Variants in CTNND2 observed in about 807,000 individuals in gnomAD.
CTNND2 encodes catenin delta 2, also known as catenin delta-2.
A neutral mutation model predicts 144.4 loss-of-function variants in CTNND2; 22 were observed. The ratio of observed to expected loss-of-function variants is 0.15; its 90% CI spans 0.11 to 0.22. CTNND2 has a LOEUF of 0.22. Ranked by LOEUF, CTNND2 falls within the 10% of genes least tolerant of loss-of-function variation. The pLI, the probability that CTNND2 is intolerant of heterozygous loss-of-function variation, is 1.00. For synonymous variants in CTNND2, 751 were observed against 695.6 expected (o/e 1.08, Z -1.25); for missense variants, 1,353 against 1,618.8 (o/e 0.84, Z 2.82).
At chr5:11,724,912 A>ATT (rs34852559) in intron 2 of CTNND2, among the ~76,000 whole-genome samples, 24,864 of 148,998 alleles carry the variant, frequency 0.17, 2,174 homozygotes, top group East Asian at 0.29. Context: ...GTCAAAAGTG[A>ATT]TTTTTTTTTT....
At chr5:11,306,561 T>C (rs556471349) in intron 9 of CTNND2, among the ~76,000 whole-genome samples, 6 of 152,338 alleles carry the variant, frequency 3.9e-5, no homozygotes, top group Admixed American at 2.6e-4. Flanking sequence ...GTCAAGTTAT[T>C]TGTCATTCTG....
At chr5:11,793,138 G>C (rs1183333458) in intron 1 of CTNND2, among the ~76,000 whole-genome samples, 1 of 152,176 alleles carries the variant, frequency 6.6e-6, no homozygotes, top group Non-Finnish European at 1.5e-5. Context: ...ACAGTTTGCT[G>C]TGCTATTGGT....
At chr5:10,992,078 C>A (rs968640471) in intron 19 of CTNND2, among the ~76,000 whole-genome samples, 1 of 152,000 alleles carries the variant, frequency 6.6e-6, no homozygotes. Flanking sequence ...CCAACAAGCC[C>A]GGCTAATTTT....
intron 10 of CTNND2, among the ~76,000 whole-genome samples, chr5:11,234,195 G>A (rs1488404246): frequency 6.6e-6 from 1 of 151,986 alleles, no homozygotes; most frequent in African/African-American, 2.4e-5. Context: ...ACACACATAT[G>A]CACACAGAGA....
chr5:11,854,537 T>C (rs527560244), intron 1 of CTNND2, among the ~76,000 whole-genome samples: 109 of 152,356 alleles, frequency 7.2e-4, no homozygotes, highest in Non-Finnish European at 1.3e-3. Context: ...CTGTGATATA[T>C]TCCAAGAATC....
intron 1 of CTNND2, among the ~76,000 whole-genome samples, chr5:11,896,586 T>C (rs1214472640): frequency 2.0e-5 from 3 of 152,140 alleles, no homozygotes; most frequent in Non-Finnish European, 4.4e-5. Flanking sequence ...AATAAATATA[T>C]ACTATTCTTT....
chr5:11,647,190 A>G (rs1782399567), intron 2 of CTNND2, among the ~76,000 whole-genome samples: 1 of 152,134 alleles, frequency 6.6e-6, no homozygotes, highest in Admixed American at 6.5e-5. Flanking sequence ...TTAAAAACTC[A>G]GCCAGCTTTC....
chr5:11,808,952 G>A (rs1429859305), intron 1 of CTNND2, among the ~76,000 whole-genome samples: 1 of 152,178 alleles, frequency 6.6e-6, no homozygotes, highest in East Asian at 1.9e-4. Flanking sequence ...ACTCCAGCTG[G>A]AATGGAAAGC....
At chr5:11,165,400 C>T (rs755559942) in intron 11 of CTNND2, among the ~76,000 whole-genome samples, 5 of 152,082 alleles carry the variant, frequency 3.3e-5, no homozygotes, top group Non-Finnish European at 5.9e-5. Context: ...GGATTCACAC[C>T]AATTTTCAGC....
intron 1 of CTNND2, among the ~76,000 whole-genome samples, chr5:11,733,189 C>T (rs999764767): frequency 6.6e-6 from 1 of 152,088 alleles, no homozygotes; most frequent in Non-Finnish European, 1.5e-5. Context: ...CTGTGGGAAC[C>T]CCAGCTGAAG....
At chr5:11,203,436 GTT>G (rs1356389123) in intron 10 of CTNND2, among the ~76,000 whole-genome samples, 1 of 147,730 alleles carries the variant, frequency 6.8e-6, no homozygotes, top group African/African-American at 2.4e-5. Context: ...AATTGTTTTT[GTT>G]TTGTTTTGTT....
intron 9 of CTNND2, among the ~76,000 whole-genome samples, chr5:11,255,511 C>A (rs991312632): frequency 6.6e-6 from 1 of 152,142 alleles, no homozygotes; most frequent in African/African-American, 2.4e-5. Context: ...GAACTAAAAT[C>A]ACCATAATAT....
At chr5:11,113,787 G>A (rs1256118499) in intron 13 of CTNND2, among the ~76,000 whole-genome samples, 1 of 152,216 alleles carries the variant, frequency 6.6e-6, no homozygotes, top group African/African-American at 2.4e-5. Flanking sequence ...GCAGTCCTGG[G>A]GTGGGACTGG....
chr5:11,551,432 C>CTTTTTTTTTT (rs70949326), intron 3 of CTNND2, among the ~76,000 whole-genome samples: 82 of 100,910 alleles, frequency 8.1e-4, no homozygotes, highest in African/African-American at 2.7e-3. Flanking sequence ...TTTCTTTTTT[C>CTTTTTTTTTT]TTTTTTTTTT....
intron 2 of CTNND2, among the ~76,000 whole-genome samples, chr5:11,639,471 A>G (rs1459216632): frequency 6.6e-6 from 1 of 152,232 alleles, no homozygotes; most frequent in Non-Finnish European, 1.5e-5. Context: ...TACATATTCT[A>G]AAAGAGCATC....
intron 10 of CTNND2, among the ~76,000 whole-genome samples, chr5:11,212,463 A>G (rs752887680): frequency 1.3e-5 from 2 of 152,200 alleles, no homozygotes; most frequent in Non-Finnish European, 2.9e-5. Flanking sequence ...TTTAAAGTTG[A>G]GAGCACATAT....
At chr5:11,202,327 TGCTAAAATGAAAACA>T (rs1423182691) in intron 10 of CTNND2, among the ~76,000 whole-genome samples, 1 of 152,188 alleles carries the variant, frequency 6.6e-6, no homozygotes, top group Middle Eastern at 3.2e-3. Context: ...GAATTCTAAA[TGCTAAAATGAAAACA>T]CAATGTTTTC....
intron 20 of CTNND2, among the ~76,000 whole-genome samples, chr5:10,984,568 G>C (rs1737700386): frequency 6.6e-6 from 1 of 152,144 alleles, no homozygotes; most frequent in South Asian, 2.1e-4. Context: ...TGTTAATACT[G>C]GAAGTTCTTT....
intron 3 of CTNND2, among the ~76,000 whole-genome samples, chr5:11,421,312 T>A (rs916679647): frequency 1.3e-5 from 2 of 152,142 alleles, no homozygotes; most frequent in African/African-American, 4.8e-5. Context: ...AACCCCTTCA[T>A]TCAAGATACC....
Sources: gnomAD v4.1 joint callset for allele counts (sites outside exome capture counted in the v4.1 genomes callset) on GRCh38, gnomAD v4.1.1 for gene constraint, MANE v1.5 for transcripts, NCBI Gene and HGNC (gene_info 2026-07-23, HGNC 2026-07-21) for gene names.